Variants in JKAMP observed in about 807,000 individuals in gnomAD.
JKAMP encodes the protein JNK1/MAPK8-associated membrane protein.
In JKAMP, 20 loss-of-function variants were observed where a neutral mutation model predicts 40.2. The ratio of observed to expected loss-of-function variants is 0.50; its 90% CI spans 0.35 to 0.72. The LOEUF (loss-of-function observed/expected upper bound fraction) is 0.72. JKAMP is among the 30% of genes least tolerant of loss of function. The pLI is 0.01. For synonymous variants in JKAMP, 138 were observed against 131.6 expected, an observed-to-expected ratio of 1.05 and a Z score of -0.33; for missense variants, 276 against 373.0, an observed-to-expected ratio of 0.74 and a Z score of 2.14.
intron 3 of JKAMP, among the ~76,000 whole-genome samples, chr14:59,488,773 C>G (rs745486871): frequency 6.6e-6 from 1 of 152,210 alleles, no homozygotes; most frequent in African/African-American, 2.4e-5. Flanking sequence ...CAAACTCTTT[C>G]TGCTGTCTGA....
intron 1 of JKAMP, among the ~76,000 whole-genome samples, chr14:59,485,300 T>G (rs2139848605): frequency 6.6e-6 from 1 of 152,374 alleles, no homozygotes; most frequent in South Asian, 2.1e-4. Context: ...ATATTCATTT[T>G]CATGTATTAA....
At position 59,484,593 on chromosome 14, in the gene JKAMP, G is replaced by T; in HGVS notation, c.4G>T (p.Ala2Ser). ...GAAAAAAACCTTCAGGCGGCCCATGGGTGAGTGGTCGCCAAGATCCCGGGA... is the reference window on the plus strand; with the variant it reads ...GAAAAAAACCTTCAGGCGGCCCATGTGTGAGTGGTCGCCAAGATCCCGGGA... M[A>S]VDIQPACLGL... is the part of the protein sequence containing the mutation. Residue 2 changes from alanine to serine, a missense_variant and splice_region_variant, in exon 1 of 7, where the codon GCT becomes TCT. Coordinates refer to ENST00000616435, the MANE Select transcript of JKAMP (RefSeq NM_016475.5). 1 of 1,579,140 alleles carries T rather than the reference G, an allele frequency of 6.3e-7. No individual in the cohort carries two copies. Among genetic ancestry groups the T allele is most frequent in the Non-Finnish European group, 8.6e-7 (1 of 1,162,770 alleles).
rs147036906 is a variant in JKAMP at position 59,504,305 on chromosome 14, G to A, written c.*233G>A. On this transcript the variant is annotated 3_prime_UTR_variant, in exon 7 of 7. Transcript: ENST00000616435. ...ATATTATCTGCTACACTGGAAGGCC[G>A]CTAGGAAGCCCTTGCTTCTCTCAAC... is the stretch of plus-strand genomic sequence containing the variant. The A allele has an allele frequency of 5.8e-5, 28 of 486,872 alleles. No homozygotes were observed. Among genetic ancestry groups the A allele is most frequent in the Middle Eastern group, 5.3e-4 (1 of 1,902 alleles). 30.2% of individuals were successfully genotyped at this position (486,872 alleles called of 1,614,324 possible). A position where few individuals can be genotyped will look rare whatever the true frequency, so the allele number is the denominator to read the frequency against.
At chr14:59,494,675 T>A (rs1168840778) in intron 3 of JKAMP, among the ~76,000 whole-genome samples, 1 of 152,220 alleles carries the variant, frequency 6.6e-6, no homozygotes, top group African/African-American at 2.4e-5. Context: ...GAGATGAGCT[T>A]ATAATATTAT....
intron 1 of JKAMP, among the ~76,000 whole-genome samples, chr14:59,486,452 G>C (rs999935690): frequency 6.6e-6 from 1 of 152,186 alleles, no homozygotes; most frequent in Non-Finnish European, 1.5e-5. Context: ...TAGGCTTTGA[G>C]TCCTGGAGAT....
intron 6 of JKAMP, among the ~76,000 whole-genome samples, chr14:59,502,773 T>TTGTTTTTTTTTTTTTTTTTTTTTG (rs796697193): frequency 9.7e-6 from 1 of 102,836 alleles, no homozygotes; most frequent in African/African-American, 3.9e-5. Flanking sequence ...TTTTTTTTTT[T>TTGTTTTTTTTTTTTTTTTTTTTTG]CGGAGTCTCA....
At chr14:59,485,164 C>T in intron 1 of JKAMP, 5 of 1,585,518 alleles carry the variant, frequency 3.2e-6, no homozygotes, top group Non-Finnish European at 4.3e-6. Flanking sequence ...TACTGGTTTT[C>T]AGGCCTTGGA....
rs1178751804 is a variant in JKAMP, at chr14:59,495,187, A to T, written c.421A>T (p.Thr141Ser). The T allele has an allele frequency of 3.1e-6, 5 of 1,613,232 alleles. No individual in the cohort carries two copies. The African/African-American group carries it at 6.7e-5, about 22-fold the overall frequency. The stretch of plus-strand genomic sequence containing the variant: ...TTACAACCCAAGTCCAGATTACGTT[A>T]CCACAGTACACTGTACTCATGAAGC... ...MLYNPSPDYV[T>S]TVHCTHEAVY... The change falls in exon 4 of 7, where the codon ACC (threonine) becomes TCC (serine). Residue 141 changes from threonine (T) to serine (S), a missense_variant. Physicochemically the swap from Thr to Ser is moderately conservative, Grantham distance 58. Coordinates refer to ENST00000616435, the MANE Select transcript of JKAMP (RefSeq NM_016475.5).
At chr14:59,501,345 T>C (rs1423546327) in intron 6 of JKAMP, 78 bp downstream of exon 6, 2 of 873,472 alleles carry the variant, frequency 2.3e-6, no homozygotes, top group Non-Finnish European at 1.8e-6. Context: ...CCATATGATA[T>C]GATATAGTAC....
intron 1 of JKAMP, chr14:59,486,067 C>G (rs528607756): frequency 6.6e-6 from 1 of 152,258 alleles, no homozygotes; most frequent in Non-Finnish European, 1.5e-5. Context: ...TGCTTTTCCC[C>G]TAAGCCTTTA....
At chr14:59,500,588 T>A (rs1194015358) in intron 5 of JKAMP, among the ~76,000 whole-genome samples, 1 of 152,214 alleles carries the variant, frequency 6.6e-6, no homozygotes, top group Non-Finnish European at 1.5e-5. Flanking sequence ...TGACCTTTTC[T>A]AAAGATTAAT....
chr14:59,484,747 T>C (rs1353796174), intron 1 of JKAMP, 154 bp downstream of exon 1: 2 of 1,051,526 alleles, frequency 1.9e-6, no homozygotes, highest in Non-Finnish European at 2.8e-6. Context: ...GGCTCCGCAC[T>C]CCTGCGGGGT....
At chr14:59,502,313 C>G (rs1423956499) in intron 6 of JKAMP, among the ~76,000 whole-genome samples, 1 of 152,200 alleles carries the variant, frequency 6.6e-6, no homozygotes, top group African/African-American at 2.4e-5. Context: ...TCTCAGTACT[C>G]TTCCATCCTA....
Position 59,504,346 on chromosome 14 carries a change from T to C in JKAMP, c.*274T>C, listed in dbSNP as rs1414466114. The C allele has an allele frequency of 7.8e-6, 3 of 384,756 alleles. No homozygotes were observed. The highest frequency in any genetic ancestry group is 4.1e-5 in the African/African-American group (2 of 48,608). The allele number at this position is 384,756 out of a possible 1,614,324, so 23.8% of individuals were successfully genotyped here. On this transcript the variant is annotated 3_prime_UTR_variant, in exon 7 of 7. Transcript: ENST00000616435. ...TTCTCTCAACAGTTCAGCTGTTCTTTAGGGCAAAATCATGTTTCTGTGTAC... is the reference window on the plus strand; with the variant it reads ...TTCTCTCAACAGTTCAGCTGTTCTTCAGGGCAAAATCATGTTTCTGTGTAC...
intron 4 of JKAMP, 172 bp downstream of exon 4, chr14:59,495,396 T>C: frequency 1.7e-6 from 1 of 581,080 alleles, no homozygotes; most frequent in Non-Finnish European, 3.1e-6. Flanking sequence ...GTTTTCTCTT[T>C]GGTAAAATGG....
At chr14:59,484,711 C>G in intron 1 of JKAMP, 118 bp downstream of exon 1, 2 of 1,289,686 alleles carry the variant, frequency 1.6e-6, no homozygotes, top group Non-Finnish European at 2.2e-6. Context: ...CAGGCTCGCC[C>G]CTTGACCCCG....
At chr14:59,490,398 G>T (rs1354494517) in intron 3 of JKAMP, among the ~76,000 whole-genome samples, 1 of 152,142 alleles carries the variant, frequency 6.6e-6, no homozygotes, top group African/African-American at 2.4e-5. Flanking sequence ...GAGGGAATGA[G>T]CATCCAAAAA....
intron 3 of JKAMP, among the ~76,000 whole-genome samples, chr14:59,490,068 G>A (rs758054396): frequency 3.9e-5 from 6 of 151,912 alleles, no homozygotes; most frequent in South Asian, 2.1e-4. Context: ...GACTACAGGC[G>A]TGTACCACCA....
intron 4 of JKAMP, among the ~76,000 whole-genome samples, chr14:59,497,301 G>T (rs1253118): frequency 0.43 from 65,336 of 152,006 alleles, 15,849 homozygotes; most frequent in African/African-American, 0.66. Flanking sequence ...CTTATAGCAG[G>T]AATTAGCTTT....
Sources: allele counts gnomAD v4.1 joint callset (sites outside exome capture counted in the v4.1 genomes callset), GRCh38; gene constraint gnomAD v4.1.1; transcripts MANE v1.5; gene names NCBI Gene and HGNC (gene_info 2026-07-23, HGNC 2026-07-21).